Variants in DNLZ observed in about 807,000 individuals in gnomAD.
The protein encoded by DNLZ is DNL-type zinc finger.
Under a neutral mutation model 7.8 loss-of-function variants are expected in DNLZ, and 15 were observed. The ratio of observed to expected loss-of-function variants is 1.91; its 90% CI spans 1.28 to 2.95. DNLZ has a LOEUF of 2.95. Among genes scored for constraint, DNLZ ranks in the 30% most tolerant of loss-of-function variants. The pLI, the probability that DNLZ is intolerant of heterozygous loss-of-function variation, is 0.00. For missense variants in DNLZ, 255 were observed against 167.3 expected, an observed-to-expected ratio of 1.52 and a Z score of -2.89; for synonymous variants, 123 against 77.8, an observed-to-expected ratio of 1.58 and a Z score of -3.05.
chr9:136,360,971 C>CG lies in DNLZ; in HGVS notation c.*1040dup, dbSNP rs1228621685. 1 of 152,258 alleles carries CG rather than the reference C, an allele frequency of 6.6e-6. No individual in the cohort carries two copies. The highest frequency in any genetic ancestry group is 1.9e-4 in the East Asian group (1 of 5,192). 9.4% of individuals were successfully genotyped at this position (152,258 alleles called of 1,614,324 possible). The stretch of plus-strand genomic sequence containing the variant: ...TCCATGGAGGAGCAGGCCTGGGTGC[C>CG]GGTGGCTCAGCCGAGAAGAGGACAG... On this transcript the variant is annotated 3_prime_UTR_variant, in exon 3 of 3. Transcript: ENST00000371738.
In DNLZ at chr9:136,361,896, C is replaced by G; in HGVS notation, c.*116G>C. On this transcript the variant is annotated 3_prime_UTR_variant, in exon 3 of 3. Coordinates refer to ENST00000371738, the MANE Select transcript of DNLZ (RefSeq NM_001080849.3). ...GAAAGGCCACGAGGGCCACAGGCCC[C>G]AGCATCTGGAAGTAATGTCTGTTTA... The G allele has an allele frequency of 1.3e-6, 1 of 790,424 alleles. No homozygotes were observed. Among genetic ancestry groups the G allele is most frequent in the Non-Finnish European group, 1.7e-6 (1 of 581,462 alleles). The allele number at this position is 790,424 out of a possible 1,614,324, so 49.0% of individuals were successfully genotyped here.
Position 136,363,111 on chromosome 9 carries a change from G to A in DNLZ, c.246C>T (p.Ser82=), listed in dbSNP as rs746741316. 11 of 1,613,462 alleles carry A rather than the reference G, an allele frequency of 6.8e-6. No homozygotes were observed. In the Admixed American group the frequency reaches 1.5e-4, roughly 22 times the overall value. ...VYTCKVCGTR[S]SKRISKLAYH... Reference sequence around the variant, plus strand: ...AGGCCAGCTTGGAGATGCGCTTGGAGGACCTAGTCCCGCAGACCTGGCTGG... The same window carrying A: ...AGGCCAGCTTGGAGATGCGCTTGGAAGACCTAGTCCCGCAGACCTGGCTGG... The change falls in exon 2 of 3, where the codon TCC becomes TCT. Residue 82 remains serine, a synonymous_variant. Coordinates refer to ENST00000371738, the MANE Select transcript of DNLZ (RefSeq NM_001080849.3).
rs1293945705 is a variant in DNLZ at position 136,361,899 on chromosome 9, C to T, written c.*113G>A. The T allele has an allele frequency of 6.2e-6, 5 of 800,210 alleles. No homozygotes were observed. The highest frequency in any genetic ancestry group is 8.5e-6 in the Non-Finnish European group (5 of 590,310). 49.6% of individuals were successfully genotyped at this position (800,210 alleles called of 1,614,324 possible). On this transcript the variant is annotated 3_prime_UTR_variant, in exon 3 of 3. Coordinates refer to ENST00000371738, the MANE Select transcript of DNLZ (RefSeq NM_001080849.3). ...AGGCCACGAGGGCCACAGGCCCCAG[C>T]ATCTGGAAGTAATGTCTGTTTATTG...
Position 136,361,292 on chromosome 9 carries a change from C to A in DNLZ, c.*720G>T, listed in dbSNP as rs568372581. On this transcript the variant is annotated 3_prime_UTR_variant, in exon 3 of 3. Transcript: ENST00000371738. Reference sequence around the variant, plus strand: ...ATGCTGAAGGTTACGCTGCCCAGAACGCTTCTGCAAATAAACAGGCTGCTG... The same window carrying A: ...ATGCTGAAGGTTACGCTGCCCAGAAAGCTTCTGCAAATAAACAGGCTGCTG... 6.6e-6 allele frequency: 1 copy of A among 152,276 alleles called. No individual in the cohort carries two copies. The highest frequency in any genetic ancestry group is 2.1e-4 in the South Asian group (1 of 4,838). 9.4% of individuals were successfully genotyped at this position (152,276 alleles called of 1,614,324 possible). A position where few individuals can be genotyped will look rare whatever the true frequency, so the allele number is the denominator to read the frequency against.
rs1832988473 is a variant in DNLZ, at chr9:136,362,034, G to A, written c.515C>T (p.Pro172Leu). ...EAGEDEGPPS[P>L]GKTEPS ...GAGTCAGCTCGGCTCCGTCTTGCCA[G>A]GGCTGGGGGGACCCTCATCCTCACC... Residue 172 changes from proline to leucine, a missense_variant, in exon 3 of 3, where the codon CCT becomes CTT. Pro to Leu is a moderately conservative substitution (Grantham distance 98, BLOSUM62 -3). Coordinates refer to ENST00000371738, the MANE Select transcript of DNLZ (RefSeq NM_001080849.3). The A allele has an allele frequency of 1.5e-6, 2 of 1,362,346 alleles. No homozygotes were observed. Among genetic ancestry groups the A allele is most frequent in the Non-Finnish European group, 1.9e-6 (2 of 1,047,730 alleles). The allele number at this position is 1,362,346 out of a possible 1,614,324, so 84.4% of individuals were successfully genotyped here.
chr9:136,361,704 G>A lies in DNLZ; in HGVS notation c.*308C>T. On this transcript the variant is annotated 3_prime_UTR_variant, in exon 3 of 3. Transcript: ENST00000371738. The stretch of plus-strand genomic sequence containing the variant: ...AGTCACGCAGCGACAGCCAGGAAGG[G>A]CTCTGACGCCACATCCAGCCCCCTT... The A allele has an allele frequency of 3.3e-6, 1 of 301,582 alleles. No homozygotes were observed. The highest frequency in any genetic ancestry group is 6.1e-6 in the Non-Finnish European group (1 of 164,794). 18.7% of individuals were successfully genotyped at this position (301,582 alleles called of 1,614,324 possible). A position where few individuals can be genotyped will look rare whatever the true frequency, so the allele number is the denominator to read the frequency against.
intron 1 of DNLZ, 117 bp downstream of exon 1, chr9:136,363,370 C>T: frequency 5.4e-6 from 4 of 735,530 alleles, no homozygotes; most frequent in Admixed American, 3.6e-5. Flanking sequence ...GGTGGCTCCA[C>T]TCCTTCCTGT....
At chr9:136,362,936 G>A (rs369872595) in intron 2 of DNLZ, 53 bp downstream of exon 2, 26 of 1,585,510 alleles carry the variant, frequency 1.6e-5, no homozygotes, top group Non-Finnish European at 1.6e-5. Flanking sequence ...CCCCAGGGAG[G>A]CCAGGGTACT....
chr9:136,363,130 T>A lies in DNLZ; in HGVS notation c.229-2A>T. On this transcript the variant is annotated splice_acceptor_variant, in intron 1 of 2. Transcript: ENST00000371738. LOFTEE classifies it high-confidence loss of function. ...CTTGGAGGACCTAGTCCCGCAGACC[T>A]GGCTGGGACAGGGTAGCTGGTGAGG... 6.2e-7 allele frequency: 1 copy of A among 1,613,072 alleles called. No homozygotes were observed.
In DNLZ at chr9:136,363,676, C is replaced by T. The variant is rs1286396063; in HGVS notation, c.39G>A (p.Leu13=). The change falls in exon 1 of 3, where the codon CTG becomes CTA. Residue 13 remains leucine, a synonymous_variant. Coordinates refer to ENST00000371738, the MANE Select transcript of DNLZ (RefSeq NM_001080849.3). The part of the protein sequence containing the change: ...RTALRGAPRL[L]SRVQPRAPCL... ...AGGGCGCCCGGGGCTGCACGCGACT[C>T]AGCAACCTCGGCGCGCCGCGCAGCG... The T allele has an allele frequency of 2.4e-6, 1 of 421,184 alleles. No homozygotes were observed. Among genetic ancestry groups the T allele is most frequent in the East Asian group, 4.0e-5 (1 of 25,140 alleles). The allele number at this position is 421,184 out of a possible 1,614,324, so 26.1% of individuals were successfully genotyped here. A position where few individuals can be genotyped will look rare whatever the true frequency, so the allele number is the denominator to read the frequency against.
At chr9:136,362,951 G>T in intron 2 of DNLZ, 38 bp downstream of exon 2, 1 of 1,606,798 alleles carries the variant, frequency 6.2e-7, no homozygotes, top group Non-Finnish European at 8.5e-7. Flanking sequence ...GGTACTTCTG[G>T]GTGGCCTTCT....
rs961884101 is a variant in DNLZ at position 136,362,104 on chromosome 9, G to A, written c.445C>T (p.Leu149=). 6.7e-7 allele frequency: 1 copy of A among 1,491,576 alleles called. No homozygotes were observed. Among genetic ancestry groups the A allele is most frequent in the Admixed American group, 2.5e-5 (1 of 39,218 alleles). 92.4% of individuals were successfully genotyped at this position (1,491,576 alleles called of 1,614,324 possible). A position where few individuals can be genotyped will look rare whatever the true frequency, so the allele number is the denominator to read the frequency against. Residue 149 remains leucine (L), a synonymous_variant, in exon 3 of 3, where the codon CTG becomes TTG. Transcript: ENST00000371738. ...VAGEGALELV[L]EAAGAPTSTA... Reference sequence around the variant, plus strand: ...GATGTGGGGGCCCCTGCAGCCTCCAGAACCAGTTCCAGGGCCCCCTCGCCC... The same window carrying A: ...GATGTGGGGGCCCCTGCAGCCTCCAAAACCAGTTCCAGGGCCCCCTCGCCC...
chr9:136,362,929 C>T, intron 2 of DNLZ, 60 bp downstream of exon 2: 1 of 1,558,324 alleles, frequency 6.4e-7, no homozygotes, highest in South Asian at 1.1e-5. Context: ...AAGGTTCCCC[C>T]AGGGAGGCCA....
In DNLZ at chr9:136,359,957, G is replaced by A. The variant is rs1237217499; in HGVS notation, c.*2055C>T. On this transcript the variant is annotated 3_prime_UTR_variant, in exon 3 of 3. Transcript: ENST00000371738. The stretch of plus-strand genomic sequence containing the variant: ...CCGCCCACCCAGCACCCGGGGGAGG[G>A]AGGTCCTTTCCTGGAGTCTGATCCG... The A allele has an allele frequency of 2.0e-5, 3 of 152,284 alleles. No individual in the cohort carries two copies. The highest frequency in any genetic ancestry group is 6.5e-5 in the Admixed American group (1 of 15,290). 9.4% of individuals were successfully genotyped at this position (152,284 alleles called of 1,614,324 possible).
chr9:136,361,997 CG>C lies in DNLZ; in HGVS notation c.*14del. The C allele has an allele frequency of 7.8e-7, 1 of 1,287,572 alleles. No homozygotes were observed. The highest frequency in any genetic ancestry group is 9.9e-7 in the Non-Finnish European group (1 of 1,009,030). The allele number at this position is 1,287,572 out of a possible 1,614,324, so 79.8% of individuals were successfully genotyped here. ...CTGGAAGGCCGAAGTCCCACAGTGC[CG>C]GGGAGCGCAGGAGTCAGCTCGGCTC... On this transcript the variant is annotated 3_prime_UTR_variant, in exon 3 of 3. Transcript: ENST00000371738.
intron 2 of DNLZ, among the ~76,000 whole-genome samples, chr9:136,362,756 G>A (rs1177067769): frequency 6.6e-6 from 1 of 151,430 alleles, no homozygotes; most frequent in African/African-American, 2.4e-5. Context: ...CAGGGCCACA[G>A]GGCTGGCAAA....
Position 136,363,715 on chromosome 9 carries a change from C to G in DNLZ, c.-1G>C. Reference sequence around the variant, plus strand: ...CGCCGCGCAGCGCAGTCCGCAGCATCCCGCTCGCCGGCTCCGTCCGCCCTG... The same window carrying G: ...CGCCGCGCAGCGCAGTCCGCAGCATGCCGCTCGCCGGCTCCGTCCGCCCTG... On this transcript the variant is annotated 5_prime_UTR_variant, in exon 1 of 3. Transcript: ENST00000371738. The G allele has an allele frequency of 2.2e-6, 1 of 464,854 alleles. No homozygotes were observed. The highest frequency in any genetic ancestry group is 3.8e-6 in the Non-Finnish European group (1 of 264,864). 28.8% of individuals were successfully genotyped at this position (464,854 alleles called of 1,614,324 possible).
chr9:136,363,389 C>G (rs1464911294), intron 1 of DNLZ, 98 bp downstream of exon 1: 40 of 749,736 alleles, frequency 5.3e-5, no homozygotes, highest in Admixed American at 4.7e-4. Context: ...GTGACTTGAC[C>G]ACGCCGCCTC....
At chr9:136,362,223 C>A in intron 2 of DNLZ, 43 bp from the exon 3 acceptor site, 1 of 1,437,386 alleles carries the variant, frequency 7.0e-7, no homozygotes. Context: ...GGCCCCCCAG[C>A]CGCCCTGCAC....
Sources: gnomAD v4.1 joint callset for allele counts (sites outside exome capture counted in the v4.1 genomes callset) on GRCh38, gnomAD v4.1.1 for gene constraint, MANE v1.5 for transcripts, NCBI Gene and HGNC (gene_info 2026-07-23, HGNC 2026-07-21) for gene names.